EYS: variants seen among roughly 807,000 people sequenced by gnomAD.
EYS encodes the protein protein eyes shut homolog.
Under a neutral mutation model 282.1 loss-of-function variants are expected in EYS, and 250 were observed. The observed-to-expected ratio is 0.89, with a 90% CI of 0.80 to 0.98. The LOEUF (loss-of-function observed/expected upper bound fraction) is 0.98, where lower values mean the gene tolerates loss of function less well. Among genes scored for constraint, EYS ranks in the 50% least tolerant of loss-of-function variants. The pLI, the probability that EYS is intolerant of heterozygous loss-of-function variation, is 0.00. For synonymous variants in EYS, 1,355 were observed against 1,282.9 expected (o/e 1.06, Z -1.20); for missense variants, 4,016 against 3,709.0 (o/e 1.08, Z -2.15).
At chr6:65,105,390 G>A (rs1561968078) in intron 12 of EYS, among the ~76,000 whole-genome samples, 1 of 151,666 alleles carries the variant, frequency 6.6e-6, no homozygotes, top group Non-Finnish European at 1.5e-5. Context: ...TCATAATGTA[G>A]TGGTTATATC....
intron 26 of EYS, among the ~76,000 whole-genome samples, chr6:64,485,035 G>T (rs1181974535): frequency 9.9e-5 from 15 of 151,606 alleles, no homozygotes; most frequent in Admixed American, 9.9e-4. Flanking sequence ...CAGACTCAGA[G>T]CTTACTGATT....
intron 19 of EYS, among the ~76,000 whole-genome samples, chr6:64,877,936 C>T (rs753648558): frequency 7.2e-5 from 11 of 151,990 alleles, no homozygotes; most frequent in Non-Finnish European, 1.6e-4. Context: ...ATAAACTTTC[C>T]TTAACAATAA....
At chr6:64,228,610 AAT>A (rs1766322978) in intron 31 of EYS, among the ~76,000 whole-genome samples, 1 of 152,164 alleles carries the variant, frequency 6.6e-6, no homozygotes, top group Non-Finnish European at 1.5e-5. Context: ...TAGTTTTTAA[AAT>A]ATTATAAATT....
chr6:65,073,459 C>A (rs1773955288), intron 12 of EYS, among the ~76,000 whole-genome samples: 1 of 151,288 alleles, frequency 6.6e-6, no homozygotes, highest in South Asian at 2.1e-4. Flanking sequence ...CAGCAGAGAT[C>A]AATATGAGAA....
intron 1 of EYS, among the ~76,000 whole-genome samples, chr6:65,650,861 T>C (rs1388693537): frequency 6.6e-6 from 1 of 152,092 alleles, no homozygotes; most frequent in Non-Finnish European, 1.5e-5. Flanking sequence ...GGAGGTTCCT[T>C]TTAAAATGCA....
At chr6:63,813,065 A>G (rs1771089639) in intron 36 of EYS, among the ~76,000 whole-genome samples, 1 of 152,126 alleles carries the variant, frequency 6.6e-6, no homozygotes, top group Non-Finnish European at 1.5e-5. Context: ...TGCAACCTCC[A>G]TCTCCTGGAA....
intron 13 of EYS, among the ~76,000 whole-genome samples, chr6:65,038,914 G>A (rs761710908): frequency 2.5e-4 from 38 of 151,272 alleles, no homozygotes; most frequent in Non-Finnish European, 4.4e-4. Context: ...AATTATAAGC[G>A]CTGTCTGGAT....
At chr6:64,883,491 T>C (rs1293425408) in intron 19 of EYS, among the ~76,000 whole-genome samples, 2 of 148,274 alleles carry the variant, frequency 1.3e-5, no homozygotes, top group African/African-American at 2.5e-5. Context: ...CATGACTACA[T>C]GTAATCACAT....
intron 33 of EYS, among the ~76,000 whole-genome samples, chr6:63,999,904 A>T (rs2149802844): frequency 6.6e-6 from 1 of 152,294 alleles, no homozygotes; most frequent in South Asian, 2.1e-4. Context: ...AGAAAATTCA[A>T]ACAATATTAC....
intron 13 of EYS, among the ~76,000 whole-genome samples, chr6:65,029,746 A>T (rs751784377): frequency 5.9e-5 from 9 of 152,194 alleles, no homozygotes; most frequent in Non-Finnish European, 1.2e-4. Flanking sequence ...AGACCAGACT[A>T]TTAAGAAGAC....
At chr6:65,330,234 G>T in intron 11 of EYS, 1 of 955,294 alleles carries the variant, frequency 1.0e-6, no homozygotes, top group Non-Finnish European at 1.2e-6. Flanking sequence ...ATAACATTTT[G>T]AAAAATATCT....
intron 1 of EYS, among the ~76,000 whole-genome samples, chr6:65,666,070 C>CT (rs554729212): frequency 0.022 from 3,078 of 143,020 alleles, 100 homozygotes; most frequent in African/African-American, 0.073. Context: ...CAATTCAAAT[C>CT]TTTTTTTTTT....
intron 24 of EYS, among the ~76,000 whole-genome samples, chr6:64,613,780 G>A (rs1284424478): frequency 6.6e-6 from 1 of 152,114 alleles, no homozygotes; most frequent in Non-Finnish European, 1.5e-5. Flanking sequence ...GTTCAAAAAT[G>A]CTACAGGGTT....
chr6:63,753,364 T>A (rs187278983), intron 41 of EYS, among the ~76,000 whole-genome samples: 91 of 152,118 alleles, frequency 6.0e-4, no homozygotes, highest in Non-Finnish European at 1.1e-3. Context: ...AAATTTTGAA[T>A]AATCATCATC....
At chr6:64,041,228 C>T (rs534370028) in intron 33 of EYS, among the ~76,000 whole-genome samples, 165 of 152,000 alleles carry the variant, frequency 1.1e-3, no homozygotes, top group Non-Finnish European at 2.2e-3. Flanking sequence ...CATCATAGAT[C>T]TGTACTTGTG....
Position 65,344,154 on chromosome 6 carries a change from C to CT in EYS, c.1482dup (p.Gly495ArgfsTer4), listed in dbSNP as rs1770307095. ...AGAAAGAAATAGGCATCAATAACCC[C>CT]TTGGCACTTTTCGCCTTCAGATCCT... On this transcript the variant is annotated frameshift_variant, in exon 10 of 43. Coordinates refer to ENST00000503581, the MANE Select transcript of EYS (RefSeq NM_001142800.2). LOFTEE classifies it high-confidence loss of function. 1.9e-6 allele frequency: 3 copies of CT among 1,610,020 alleles called. No homozygotes were observed. The highest frequency in any genetic ancestry group is 2.5e-6 in the Non-Finnish European group (3 of 1,177,602).
At chr6:65,540,167 T>C (rs988623298) in intron 2 of EYS, among the ~76,000 whole-genome samples, 1 of 152,346 alleles carries the variant, frequency 6.6e-6, no homozygotes, top group Admixed American at 6.5e-5. Context: ...GGAAGTTTTC[T>C]GTCCCCAGCT....
At chr6:64,711,428 C>T (rs981942475) in intron 22 of EYS, among the ~76,000 whole-genome samples, 8 of 152,046 alleles carry the variant, frequency 5.3e-5, no homozygotes, top group African/African-American at 1.9e-4. Context: ...AGGAAAAAAA[C>T]ACTAAGAATT....
chr6:65,626,353 A>T (rs1015765937), intron 2 of EYS, among the ~76,000 whole-genome samples: 8 of 152,164 alleles, frequency 5.3e-5, no homozygotes, highest in African/African-American at 1.9e-4. Flanking sequence ...TTCTAAGGCC[A>T]AGATCATAGT....
Sources: allele counts gnomAD v4.1 joint callset (sites outside exome capture counted in the v4.1 genomes callset), GRCh38; gene constraint gnomAD v4.1.1; transcripts MANE v1.5; gene names NCBI Gene and HGNC (gene_info 2026-07-23, HGNC 2026-07-21).